The following MGAT4C variants were observed in gnomAD, a reference collection of about 807,000 sequenced individuals.
MGAT4C encodes the protein alpha-1,3-mannosyl-glycoprotein 4-beta-N-acetylglucosaminyltransferase C.
A neutral mutation model predicts 40.1 loss-of-function variants in MGAT4C; 19 were observed. The ratio of observed to expected loss-of-function variants is 0.47; its 90% CI spans 0.33 to 0.70. MGAT4C has a LOEUF of 0.70. Among genes scored for constraint, MGAT4C ranks in the 30% least tolerant of loss-of-function variants. The pLI, the probability that MGAT4C is intolerant of heterozygous loss-of-function variation, is 0.02. For missense variants in MGAT4C, 491 were observed against 563.2 expected (o/e 0.87, Z 1.30); for synonymous variants, 181 against 187.1 (o/e 0.97, Z 0.27).
chr12:86,648,215 G>A (rs1963599157), intron 2 of MGAT4C, among the ~76,000 whole-genome samples: 1 of 151,800 alleles, frequency 6.6e-6, no homozygotes. Context: ...AGTTATTGTG[G>A]AGAAAAAATA....
At chr12:86,430,503 T>C (rs1020029600) in intron 3 of MGAT4C, among the ~76,000 whole-genome samples, 1 of 152,150 alleles carries the variant, frequency 6.6e-6, no homozygotes, top group African/African-American at 2.4e-5. Context: ...CTCTAGTTAG[T>C]GGGCTATTGA....
intron 4 of MGAT4C, among the ~76,000 whole-genome samples, chr12:86,301,317 AG>A (rs560148862): frequency 2.7e-4 from 41 of 152,300 alleles, no homozygotes; most frequent in African/African-American, 9.9e-4. Flanking sequence ...AGCCTTTAAA[AG>A]TTTGCTAAAC....
intron 1 of MGAT4C, among the ~76,000 whole-genome samples, chr12:86,127,354 G>A (rs1352882135): frequency 6.6e-6 from 1 of 152,148 alleles, no homozygotes; most frequent in East Asian, 1.9e-4. Context: ...AATTAAAAAT[G>A]GCTCAGCTGT....
intron 4 of MGAT4C, among the ~76,000 whole-genome samples, chr12:86,333,836 G>A (rs1032706767): frequency 6.6e-5 from 10 of 152,088 alleles, no homozygotes; most frequent in African/African-American, 2.4e-4. Context: ...CTGAATATCA[G>A]TTAATAGCAC....
intron 1 of MGAT4C, among the ~76,000 whole-genome samples, chr12:86,781,189 T>G (rs955077167): frequency 6.6e-6 from 1 of 152,196 alleles, no homozygotes; most frequent in South Asian, 2.1e-4. Context: ...GTGGGATTGC[T>G]GGATCAAATG....
At chr12:86,792,512 T>G (rs1952041761) in intron 1 of MGAT4C, among the ~76,000 whole-genome samples, 1 of 152,024 alleles carries the variant, frequency 6.6e-6, no homozygotes. Flanking sequence ...TAAACACATA[T>G]TACCCCAAAA....
At chr12:86,632,606 A>G (rs971552562) in intron 2 of MGAT4C, among the ~76,000 whole-genome samples, 2 of 152,120 alleles carry the variant, frequency 1.3e-5, no homozygotes, top group Non-Finnish European at 2.9e-5. Context: ...TGCCCTTTGT[A>G]GGGACATGGA....
chr12:86,078,215 C>A (rs1405640202), intron 1 of MGAT4C, among the ~76,000 whole-genome samples: 2 of 152,130 alleles, frequency 1.3e-5, no homozygotes, highest in African/African-American at 4.8e-5. Context: ...TTGCCCCAGC[C>A]CTGCTAAGTA....
At chr12:86,614,473 A>G (rs1962384797) in intron 2 of MGAT4C, among the ~76,000 whole-genome samples, 1 of 152,116 alleles carries the variant, frequency 6.6e-6, no homozygotes, top group Non-Finnish European at 1.5e-5. Context: ...GATAATATTT[A>G]AAAATAATTC....
intron 1 of MGAT4C, among the ~76,000 whole-genome samples, chr12:86,144,867 CTTTTA>C (rs1883311662): frequency 6.6e-6 from 1 of 151,984 alleles, no homozygotes; most frequent in South Asian, 2.1e-4. Flanking sequence ...TTTAGGGGGT[CTTTTA>C]TGAGAAGAAA....
intron 2 of MGAT4C, among the ~76,000 whole-genome samples, chr12:85,994,521 A>T (rs1348534796): frequency 6.6e-6 from 1 of 152,216 alleles, no homozygotes; most frequent in Admixed American, 6.5e-5. Flanking sequence ...GCCGTTAAAA[A>T]TTAAAGAAGC....
chr12:86,147,253 T>A (rs2135755580), intron 1 of MGAT4C, among the ~76,000 whole-genome samples: 1 of 152,298 alleles, frequency 6.6e-6, no homozygotes, highest in East Asian at 1.9e-4. Context: ...TAAATTTTTT[T>A]TTTTTTGAGA....
At chr12:86,147,320 C>A (rs1279856420) in intron 1 of MGAT4C, among the ~76,000 whole-genome samples, 1 of 152,090 alleles carries the variant, frequency 6.6e-6, no homozygotes, top group Admixed American at 6.5e-5. Flanking sequence ...CAGCTCACTG[C>A]AAGCTCCACC....
At chr12:86,065,748 A>G (rs922605451) in intron 1 of MGAT4C, among the ~76,000 whole-genome samples, 2 of 152,184 alleles carry the variant, frequency 1.3e-5, no homozygotes, top group African/African-American at 2.4e-5. Context: ...GTATTCAATT[A>G]GGAAAAGAGG....
intron 1 of MGAT4C, among the ~76,000 whole-genome samples, chr12:86,727,610 T>A (rs1593155166): frequency 6.6e-6 from 1 of 152,140 alleles, no homozygotes; most frequent in East Asian, 1.9e-4. Flanking sequence ...GCATGCATAC[T>A]TAATGATACA....
intron 3 of MGAT4C, among the ~76,000 whole-genome samples, chr12:86,397,081 A>G (rs1272205402): frequency 6.6e-6 from 1 of 152,118 alleles, no homozygotes; most frequent in Non-Finnish European, 1.5e-5. Context: ...TTTTATTATT[A>G]TATTGATTAT....
chr12:86,231,465 T>C (rs1350533932), intron 1 of MGAT4C, among the ~76,000 whole-genome samples: 3 of 152,186 alleles, frequency 2.0e-5, no homozygotes, highest in Admixed American at 6.5e-5. Flanking sequence ...GATTGGCTTA[T>C]TGTAAGGCAG....
chr12:86,709,173 C>T (rs1180421201), intron 2 of MGAT4C, among the ~76,000 whole-genome samples: 1 of 152,114 alleles, frequency 6.6e-6, no homozygotes, highest in Non-Finnish European at 1.5e-5. Flanking sequence ...GTGAATAAGT[C>T]TCACGAGATC....
chr12:86,762,395 T>A (rs1951423388), intron 1 of MGAT4C, among the ~76,000 whole-genome samples: 1 of 152,032 alleles, frequency 6.6e-6, no homozygotes, highest in Admixed American at 6.6e-5. Flanking sequence ...TTTTCCAAAC[T>A]CATTCATGTA....
Sources: allele counts gnomAD v4.1 joint callset (sites outside exome capture counted in the v4.1 genomes callset), GRCh38; gene constraint gnomAD v4.1.1; transcripts MANE v1.5; gene names NCBI Gene and HGNC (gene_info 2026-07-23, HGNC 2026-07-21).